Variants in PCDHGA11 observed in about 807,000 individuals in gnomAD.
PCDHGA11 encodes the protein protocadherin gamma subfamily A, 11, also known as protocadherin gamma-A11.
PCDHGA11 carries 39 observed loss-of-function variants against 60.4 expected under a neutral mutation model. The ratio of observed to expected loss-of-function variants is 0.65; its 90% CI spans 0.50 to 0.84. The LOEUF (loss-of-function observed/expected upper bound fraction) is 0.84. PCDHGA11 is among the 40% of genes least tolerant of loss of function. The pLI is 0.00. For synonymous variants in PCDHGA11, 533 were observed against 510.3 expected (o/e 1.04, Z -0.60); for missense variants, 1,165 against 1,197.7 (o/e 0.97, Z 0.40).
In PCDHGA11 at chr5:141,423,110, G is replaced by A. The variant is rs62621243; in HGVS notation, c.1883G>A (p.Arg628His). The change falls in exon 1 of 4, where the codon CGT (arginine) becomes CAT (histidine). Residue 628 changes from arginine to histidine, a missense_variant. Coordinates refer to ENST00000398587, the MANE Select transcript of PCDHGA11 (RefSeq NM_018914.3). ...GTGGGGGAGCACACGGGCGAGGTGC[G>A]TACAGCGCGGGCACTGCTGGACAGA... ...FAVGEHTGEV[R>H]TARALLDRDA... The A allele has an allele frequency of 0.016, 25,324 of 1,613,842 alleles. 257 individuals carry two copies. Among genetic ancestry groups the A allele is most frequent in the Non-Finnish European group, 0.019 (22,060 of 1,179,980 alleles).
chr5:141,457,079 C>T (rs114054058), intron 1 of PCDHGA11, among the ~76,000 whole-genome samples: 2,973 of 152,194 alleles, frequency 0.02, 43 homozygotes, highest in African/African-American at 0.029. Flanking sequence ...AACTATTATC[C>T]CTGCTATAAG....
At chr5:141,474,115 G>A (rs1404490690) in intron 1 of PCDHGA11, among the ~76,000 whole-genome samples, 2 of 152,062 alleles carry the variant, frequency 1.3e-5, no homozygotes, top group South Asian at 2.1e-4. Context: ...CAACAACAAC[G>A]AAAATCTCAG....
At position 141,511,855 on chromosome 5, in the gene PCDHGA11, ATTGT is replaced by A. The variant is rs2099883980; in HGVS notation, c.*686_*689del. ...GGACCAGTCTTCTGTTTTGTTTTTCATTGTTTGACGTTTCCACTGCATGCCTTGA... is the reference window on the plus strand; with the variant it reads ...GGACCAGTCTTCTGTTTTGTTTTTCATTGACGTTTCCACTGCATGCCTTGA... On this transcript the variant is annotated 3_prime_UTR_variant, in exon 4 of 4. Coordinates refer to ENST00000398587, the MANE Select transcript of PCDHGA11 (RefSeq NM_018914.3). 1 of 156,316 alleles carries A rather than the reference ATTGT, an allele frequency of 6.4e-6. No individual in the cohort carries two copies. Among genetic ancestry groups the A allele is most frequent in the South Asian group, 2.0e-4 (1 of 5,082 alleles). The allele number at this position is 156,316 out of a possible 1,614,324, so 9.7% of individuals were successfully genotyped here.
At chr5:141,478,449 C>A in intron 1 of PCDHGA11, 1 of 1,613,540 alleles carries the variant, frequency 6.2e-7, no homozygotes. Context: ...AAACCTGGTG[C>A]AGCCAGTCCA....
chr5:141,426,310 A>G, intron 1 of PCDHGA11: 1 of 173,588 alleles, frequency 5.8e-6, no homozygotes. Context: ...GAAGCAGAGA[A>G]GCAGGACCCG....
At chr5:141,466,022 T>C (rs1053231186) in intron 1 of PCDHGA11, among the ~76,000 whole-genome samples, 4 of 151,628 alleles carry the variant, frequency 2.6e-5, no homozygotes, top group African/African-American at 9.7e-5. Flanking sequence ...CTCGGGAGGG[T>C]GAGGCAGGAG....
At position 141,485,325 on chromosome 5, in the gene PCDHGA11, A is replaced by T; in HGVS notation, c.2434-9482A>T. 6.2e-7 allele frequency: 1 copy of T among 1,614,078 alleles called. No homozygotes were observed. Among genetic ancestry groups the T allele is most frequent in the Non-Finnish European group, 8.5e-7 (1 of 1,180,014 alleles). ...ACTTTTGTAGGGAATGTCGCTCAAG[A>T]TTTCCTGCTGGATACGGACAGTCTG... is the stretch of plus-strand genomic sequence containing the variant. On this transcript the variant is annotated intron_variant, in intron 1 of 3. Coordinates refer to ENST00000398587, the MANE Select transcript of PCDHGA11 (RefSeq NM_018914.3). This position sits in a 1 kb window ranked among gnomAD's most constrained non-coding sequence, Gnocchi z 5.7.
intron 1 of PCDHGA11, among the ~76,000 whole-genome samples, chr5:141,437,145 T>C (rs191316470): frequency 3.9e-5 from 6 of 152,364 alleles, no homozygotes; most frequent in Admixed American, 3.9e-4. Flanking sequence ...GGATTCATAA[T>C]TAACATATGT....
intron 2 of PCDHGA11, 102 bp from the exon 3 acceptor site, chr5:141,505,291 G>A (rs2154593677): frequency 1.3e-6 from 2 of 1,565,092 alleles, no homozygotes; most frequent in Non-Finnish European, 1.7e-6. Context: ...TGGGCATGGG[G>A]TAGGGTTAGG....
intron 1 of PCDHGA11, among the ~76,000 whole-genome samples, chr5:141,447,851 C>A (rs961725006): frequency 6.6e-6 from 1 of 151,980 alleles, no homozygotes; most frequent in African/African-American, 2.4e-5. Flanking sequence ...TTTGGGAGGC[C>A]GAGGTGGGTG....
At position 141,498,971 on chromosome 5, in the gene PCDHGA11, G is replaced by GGGAAGGAAGGAA. The variant is rs201769957; in HGVS notation, c.2492+4152_2492+4163dup. On this transcript the variant is annotated intron_variant, in intron 2 of 3. Coordinates refer to ENST00000398587, the MANE Select transcript of PCDHGA11 (RefSeq NM_018914.3). ...AAAAAGAGAGAGAGGGAGGGAGGGA[G>GGGAAGGAAGGAA]GGAAGGAAGGAAGGAAGGAAGGAAG... 6.8e-3 allele frequency among the ~76,000 whole-genome samples: 758 copies of GGGAAGGAAGGAA among 111,036 alleles called. 12 individuals are homozygous for GGGAAGGAAGGAA. Among genetic ancestry groups the GGGAAGGAAGGAA allele is most frequent in the African/African-American group, 0.021 (585 of 27,816 alleles). 72.8% of individuals were successfully genotyped at this position (111,036 alleles called of 152,430 possible). A position where few individuals can be genotyped will look rare whatever the true frequency, so the allele number is the denominator to read the frequency against.
intron 3 of PCDHGA11, among the ~76,000 whole-genome samples, 153 bp from the exon 4 acceptor site, chr5:141,510,790 GAAGA>G (rs982513431): frequency 6.6e-5 from 10 of 152,264 alleles, no homozygotes; most frequent in African/African-American, 2.4e-4. Context: ...CAACTCTTGT[GAAGA>G]GAGACTACCT....
chr5:141,469,112 A>T (rs1207790108), intron 1 of PCDHGA11, among the ~76,000 whole-genome samples: 1 of 151,698 alleles, frequency 6.6e-6, no homozygotes, highest in African/African-American at 2.4e-5. Flanking sequence ...ACCTGTCTCT[A>T]AAAAAATTTA....
intron 2 of PCDHGA11, among the ~76,000 whole-genome samples, chr5:141,502,956 G>A (rs986743949): frequency 1.3e-5 from 2 of 148,846 alleles, no homozygotes; most frequent in African/African-American, 5.0e-5. Context: ...CGATTCTCCT[G>A]CCTCAGCCTC....
intron 1 of PCDHGA11, among the ~76,000 whole-genome samples, chr5:141,482,048 G>A (rs375214441): frequency 1.3e-5 from 2 of 150,044 alleles, no homozygotes; most frequent in Non-Finnish European, 2.9e-5. Flanking sequence ...TCATGCTGTT[G>A]CATTCCAGCC....
chr5:141,440,077 C>T (rs983267885), intron 1 of PCDHGA11: 1 of 152,424 alleles, frequency 6.6e-6, no homozygotes, highest in Non-Finnish European at 1.5e-5. Flanking sequence ...AGGAATAATA[C>T]TTCATTCTAA....
intron 1 of PCDHGA11, chr5:141,478,884 C>T (rs767294994): frequency 9.2e-5 from 110 of 1,194,180 alleles, no homozygotes; most frequent in Non-Finnish European, 1.2e-4. Context: ...AGCTTGGTAT[C>T]ATTTACATTA....
chr5:141,487,485 G>A lies in PCDHGA11; in HGVS notation c.2434-7322G>A. On this transcript the variant is annotated intron_variant, in intron 1 of 3. Transcript: ENST00000398587. The surrounding 1 kb of genome is among the most constrained non-coding windows in gnomAD (Gnocchi z 5.0). ...GTTGATGTGGGAGGCCACTCTCATG[G>A]CTGTACACCCTTGGCTTCTGCACCC... The A allele has an allele frequency of 6.2e-7, 1 of 1,614,164 alleles. No homozygotes were observed. Among genetic ancestry groups the A allele is most frequent in the Non-Finnish European group, 8.5e-7 (1 of 1,180,030 alleles).
rs1485715812 is a variant in PCDHGA11, at chr5:141,485,804, G to T, written c.2434-9003G>T. The T allele has an allele frequency of 6.2e-7, 1 of 1,614,218 alleles. No individual in the cohort carries two copies. The highest frequency in any genetic ancestry group is 1.7e-5 in the Admixed American group (1 of 60,026). ...AGAGAAGCAATCGGACTACCGCCTG[G>T]TGCTGACTGCTGTCGATGGAGGGAA... On this transcript the variant is annotated intron_variant, in intron 1 of 3. Coordinates refer to ENST00000398587, the MANE Select transcript of PCDHGA11 (RefSeq NM_018914.3). This position sits in a 1 kb window ranked among gnomAD's most constrained non-coding sequence, Gnocchi z 5.7.
Sources: gnomAD v4.1 joint callset for allele counts (sites outside exome capture counted in the v4.1 genomes callset) on GRCh38, gnomAD v4.1.1 for gene constraint, Gnocchi (gnomAD v3.1) non-coding constraint, MANE v1.5 for transcripts, NCBI Gene and HGNC (gene_info 2026-07-23, HGNC 2026-07-21) for gene names.